Variants in CDH8 observed in about 807,000 individuals in gnomAD.
The protein encoded by CDH8 is cadherin-8.
A neutral mutation model predicts 68.1 loss-of-function variants in CDH8; 17 were observed. The observed-to-expected ratio is 0.25, with a 90% confidence interval of 0.17 to 0.37. CDH8 has a LOEUF of 0.37. Ranked by LOEUF, CDH8 falls within the 10% of genes least tolerant of loss-of-function variation. The pLI is 1.00. For missense variants in CDH8, 763 were observed against 999.3 expected (o/e 0.76, Z 3.19); for synonymous variants, 372 against 365.1 (o/e 1.02, Z -0.21).
intron 7 of CDH8, among the ~76,000 whole-genome samples, chr16:61,801,780 T>G (rs890935485): frequency 2.0e-5 from 3 of 152,148 alleles, no homozygotes; most frequent in Non-Finnish European, 4.4e-5. Flanking sequence ...CGGCGAACCA[T>G]GAGATTATAT....
At chr16:61,841,173 A>G (rs1251934211) in intron 4 of CDH8, among the ~76,000 whole-genome samples, 1 of 152,188 alleles carries the variant, frequency 6.6e-6, no homozygotes, top group Non-Finnish European at 1.5e-5. Flanking sequence ...CAAGCATAGA[A>G]GTGCTAATAT....
chr16:61,653,630 C>G lies in CDH8; in HGVS notation c.2378G>C (p.Gly793Ala). The G allele has an allele frequency of 6.2e-7, 1 of 1,610,236 alleles. No homozygotes were observed. The highest frequency in any genetic ancestry group is 8.5e-7 in the Non-Finnish European group (1 of 1,178,808). ...FKRLGELYSV[G>A]ESDKET ...CTGTCAAGTTTCTTTGTCACTTTCA[C>G]CAACAGAGTAGAGTTCGCCCAGTCT... Residue 793 changes from glycine (G) to alanine (A), a missense_variant, in exon 12 of 12, where the codon GGT becomes GCT. Physicochemically the swap from Gly to Ala is moderately conservative, Grantham distance 60. Coordinates refer to ENST00000577390, the MANE Select transcript of CDH8 (RefSeq NM_001796.5).
intron 4 of CDH8, among the ~76,000 whole-genome samples, chr16:61,837,569 A>T (rs1962593902): frequency 6.6e-6 from 1 of 152,072 alleles, no homozygotes; most frequent in Non-Finnish European, 1.5e-5. Context: ...TAATCTCTAC[A>T]TTCTAAGTGT....
chr16:61,920,397 A>T (rs1964341109), intron 2 of CDH8, among the ~76,000 whole-genome samples: 1 of 148,698 alleles, frequency 6.7e-6, no homozygotes, highest in African/African-American at 2.5e-5. Flanking sequence ...GAACTCAAAC[A>T]AATTTACAAG....
intron 1 of CDH8, among the ~76,000 whole-genome samples, chr16:62,030,136 G>A (rs139149651): frequency 7.2e-5 from 11 of 152,224 alleles, no homozygotes; most frequent in Non-Finnish European, 1.6e-4. Context: ...GACACTTAAC[G>A]TGAACTACAG....
intron 2 of CDH8, among the ~76,000 whole-genome samples, chr16:61,912,209 A>C (rs55637181): frequency 0.15 from 23,525 of 151,990 alleles, 2,026 homozygotes; most frequent in Middle Eastern, 0.25. Context: ...TTGGAAGAAC[A>C]TTACAATTGA....
intron 4 of CDH8, among the ~76,000 whole-genome samples, chr16:61,839,232 T>G (rs1046252094): frequency 6.6e-6 from 1 of 152,184 alleles, no homozygotes; most frequent in Non-Finnish European, 1.5e-5. Context: ...TCTGTTTTGC[T>G]AGGAATCATT....
intron 4 of CDH8, among the ~76,000 whole-genome samples, chr16:61,842,714 A>G (rs1386185478): frequency 6.6e-6 from 1 of 152,180 alleles, no homozygotes; most frequent in Admixed American, 6.5e-5. Context: ...CTCTGGCTAC[A>G]GAATACTCAA....
chr16:61,974,166 A>G (rs891289573), intron 2 of CDH8, among the ~76,000 whole-genome samples: 7 of 152,234 alleles, frequency 4.6e-5, no homozygotes, highest in African/African-American at 1.4e-4. Flanking sequence ...ATAAAGAAAT[A>G]CATTAATAAA....
intron 10 of CDH8, among the ~76,000 whole-genome samples, chr16:61,672,645 G>T (rs1963821403): frequency 6.6e-6 from 1 of 151,940 alleles, no homozygotes; most frequent in Non-Finnish European, 1.5e-5. Flanking sequence ...AAAGCAGAAA[G>T]CTACAATCTT....
rs185017994 is a variant in CDH8, at chr16:61,952,729, G to A, written c.253-51256C>T. Among the ~76,000 whole-genome samples, 24 of 152,264 alleles carry A rather than the reference G, an allele frequency of 1.6e-4. No individual in the cohort carries two copies. In the South Asian group the frequency reaches 3.5e-3, roughly 22 times the overall value. ...TATGCAATGTTTATTAGGGATCCTC[G>A]GAATGTTATCTCCTATGGGCAATAA... On this transcript the variant is annotated intron_variant, in intron 2 of 11. Coordinates refer to ENST00000577390, the MANE Select transcript of CDH8 (RefSeq NM_001796.5).
chr16:62,024,408 T>G (rs958217840), intron 1 of CDH8, among the ~76,000 whole-genome samples: 4 of 152,188 alleles, frequency 2.6e-5, no homozygotes, highest in Non-Finnish European at 5.9e-5. Flanking sequence ...TCTGCAAGTA[T>G]ACTCTGGCAT....
intron 10 of CDH8, among the ~76,000 whole-genome samples, chr16:61,703,105 T>C (rs950093473): frequency 6.6e-6 from 1 of 152,192 alleles, no homozygotes; most frequent in Non-Finnish European, 1.5e-5. Flanking sequence ...GTAAACATGC[T>C]TCCTAATTTA....
rs71707137 is a variant in CDH8 at position 61,822,205 on chromosome 16, C to CTTTTTTTTTTTT, written c.836-1104_836-1093dup. 1.8e-4 allele frequency among the ~76,000 whole-genome samples: 8 copies of CTTTTTTTTTTTT among 45,646 alleles called. 3 individuals are homozygous for CTTTTTTTTTTTT. The highest frequency in any genetic ancestry group is 3.3e-4 in the African/African-American group (3 of 8,970). 29.9% of individuals were successfully genotyped at this position (45,646 alleles called of 152,430 possible). ...TGTAGTAACTGGCTCAAAAACGCAC[C>CTTTTTTTTTTTT]TTTTTTTTTTTTTTTTTTTTTTTTT... On this transcript the variant is annotated intron_variant, in intron 5 of 11. Coordinates refer to ENST00000577390, the MANE Select transcript of CDH8 (RefSeq NM_001796.5).
chr16:61,860,822 A>G (rs571070376), intron 3 of CDH8, among the ~76,000 whole-genome samples: 1 of 152,292 alleles, frequency 6.6e-6, no homozygotes, highest in Non-Finnish European at 1.5e-5. Context: ...AGAGAAAAAA[A>G]CATATCCAAA....
chr16:61,653,142 T>A lies in CDH8; in HGVS notation c.*466A>T. ...AATGTACAGCAGACCAAGTATTGCT[T>A]TATCATTTGTGGCGGGATCCTTATT... On this transcript the variant is annotated 3_prime_UTR_variant, in exon 12 of 12. Transcript: ENST00000577390. 8.1e-7 allele frequency: 1 copy of A among 1,236,364 alleles called. No homozygotes were observed. 76.6% of individuals were successfully genotyped at this position (1,236,364 alleles called of 1,614,324 possible). A position where few individuals can be genotyped will look rare whatever the true frequency, so the allele number is the denominator to read the frequency against.
At chr16:61,968,825 G>C (rs1965294496) in intron 2 of CDH8, among the ~76,000 whole-genome samples, 1 of 152,208 alleles carries the variant, frequency 6.6e-6, no homozygotes, top group Admixed American at 6.5e-5. Flanking sequence ...GCTATCATTA[G>C]TTCATTTCCT....
intron 8 of CDH8, among the ~76,000 whole-genome samples, chr16:61,779,464 T>TGCGCGC (rs370998382): frequency 1.4e-5 from 2 of 141,462 alleles, no homozygotes; most frequent in African/African-American, 5.3e-5. Flanking sequence ...TGTGTGTGTG[T>TGCGCGC]GCGCGCATGG....
In CDH8 at chr16:61,706,546, C is replaced by G. The variant is rs1031118433; in HGVS notation, c.1654+7295G>C. Among the ~76,000 whole-genome samples the G allele has an allele frequency of 5.5e-5, 8 of 145,644 alleles. No individual in the cohort carries two copies. In the South Asian group the frequency reaches 1.7e-3, roughly 31 times the overall value. ...TGAGGCAGGAGAATGGCGTGAACGC[C>G]GGAAGCGGAGCCTGCAGTGAGCCGA... On this transcript the variant is annotated intron_variant, in intron 10 of 11. Transcript: ENST00000577390.
Sources: gnomAD v4.1 joint callset for allele counts (sites outside exome capture counted in the v4.1 genomes callset) on GRCh38, gnomAD v4.1.1 for gene constraint, MANE v1.5 for transcripts, NCBI Gene and HGNC (gene_info 2026-07-23, HGNC 2026-07-21) for gene names.